SLC25A13: variants seen among roughly 807,000 people sequenced by gnomAD.
The protein encoded by SLC25A13 is electrogenic aspartate/glutamate antiporter SLC25A13, mitochondrial.
SLC25A13 carries 70 observed loss-of-function variants against 85.5 expected under a neutral mutation model. The observed-to-expected ratio is 0.82, with a 90% CI of 0.68 to 1.00. The LOEUF is 1.00. Ranked by LOEUF, SLC25A13 falls within the 50% of genes least tolerant of loss-of-function variation. SLC25A13 has a pLI of 0.00. For missense variants in SLC25A13, 765 were observed against 819.8 expected (o/e 0.93, Z 0.82); for synonymous variants, 259 against 288.7 (o/e 0.90, Z 1.04).
At chr7:96,280,651 G>T (rs531027521) in intron 2 of SLC25A13, among the ~76,000 whole-genome samples, 5 of 152,172 alleles carry the variant, frequency 3.3e-5, no homozygotes, top group Admixed American at 1.3e-4. Context: ...AAAGATTGAG[G>T]CTGCAGTGAG....
intron 1 of SLC25A13, among the ~76,000 whole-genome samples, chr7:96,321,433 G>C (rs1342843262): frequency 6.6e-6 from 1 of 152,228 alleles, no homozygotes; most frequent in Non-Finnish European, 1.5e-5. Context: ...CTCCTAGGCA[G>C]TTTCCAAAAC....
intron 2 of SLC25A13, among the ~76,000 whole-genome samples, chr7:96,285,806 A>C (rs1030066325): frequency 2.6e-5 from 4 of 152,152 alleles, no homozygotes; most frequent in African/African-American, 9.7e-5. Flanking sequence ...CTGGTGTTTT[A>C]TTTAAATGGC....
chr7:96,139,612 CT>C, intron 14 of SLC25A13, among the ~76,000 whole-genome samples: 1 of 152,232 alleles, frequency 6.6e-6, no homozygotes, highest in South Asian at 2.1e-4. Flanking sequence ...TATTTATTTA[CT>C]TATTTCAATT....
intron 1 of SLC25A13, among the ~76,000 whole-genome samples, chr7:96,310,521 T>G (rs1799911586): frequency 6.6e-6 from 1 of 152,214 alleles, no homozygotes; most frequent in South Asian, 2.1e-4. Context: ...ATTTCTCCAT[T>G]GTAAAGGTAC....
intron 3 of SLC25A13, among the ~76,000 whole-genome samples, chr7:96,237,505 C>CT (rs934013982): frequency 6.6e-5 from 10 of 152,142 alleles, no homozygotes; most frequent in Non-Finnish European, 4.4e-5. Context: ...AGAATCTTGA[C>CT]TTTTTTTTCA....
At chr7:96,270,495 C>A (rs988078622) in intron 3 of SLC25A13, among the ~76,000 whole-genome samples, 1 of 150,480 alleles carries the variant, frequency 6.6e-6, no homozygotes, top group African/African-American at 2.5e-5. Context: ...GCAGAGGTTG[C>A]AATGATCTGA....
In SLC25A13 at chr7:96,296,946, A is replaced by G. The variant is rs1336480972; in HGVS notation, c.21T>C (p.Ala7=). The change falls in exon 2 of 18, where the codon GCT becomes GCC. Residue 7 remains alanine, a synonymous_variant. Transcript: ENST00000265631. MAAAKV[A]LTKRADPAEL... Reference sequence around the variant, plus strand: ...CAGCTGGATCTGCTCTCTTGGTTAAAGCCACCTATAAATAAACATAAAAAT... The same window carrying G: ...CAGCTGGATCTGCTCTCTTGGTTAAGGCCACCTATAAATAAACATAAAAAT... The G allele has an allele frequency of 6.2e-6, 10 of 1,613,072 alleles. No homozygotes were observed. Among genetic ancestry groups the G allele is most frequent in the Non-Finnish European group, 8.5e-6 (10 of 1,179,120 alleles).
chr7:96,228,248 G>C, intron 4 of SLC25A13, among the ~76,000 whole-genome samples: 1 of 152,186 alleles, frequency 6.6e-6, no homozygotes, highest in South Asian at 2.1e-4. Flanking sequence ...AGAAACTTAT[G>C]TTCCTCAAGA....
At chr7:96,234,768 C>T in intron 4 of SLC25A13, 34 bp downstream of exon 4, 1 of 1,512,996 alleles carries the variant, frequency 6.6e-7, no homozygotes, top group Non-Finnish European at 9.2e-7. Flanking sequence ...CAAGTCCACA[C>T]TTACACAGAC....
At chr7:96,263,499 T>G (rs1263944874) in intron 3 of SLC25A13, among the ~76,000 whole-genome samples, 1 of 151,986 alleles carries the variant, frequency 6.6e-6, no homozygotes, top group African/African-American at 2.4e-5. Context: ...AGTCCTAGGT[T>G]GCACCAGGCC....
At chr7:96,209,353 T>TACATACACAC (rs1554354163) in intron 4 of SLC25A13, among the ~76,000 whole-genome samples, 1 of 145,444 alleles carries the variant, frequency 6.9e-6, no homozygotes, top group African/African-American at 2.6e-5. Context: ...GGAAAACACA[T>TACATACACAC]ACACACACAC....
intron 3 of SLC25A13, among the ~76,000 whole-genome samples, chr7:96,239,450 G>T (rs1476449415): frequency 2.0e-5 from 3 of 151,824 alleles, no homozygotes; most frequent in African/African-American, 7.3e-5. Context: ...ATTAACGTAA[G>T]TTACAACAAA....
At chr7:96,176,333 G>A (rs1183768626) in intron 11 of SLC25A13, among the ~76,000 whole-genome samples, 1 of 152,194 alleles carries the variant, frequency 6.6e-6, no homozygotes, top group Admixed American at 6.5e-5. Context: ...ACAGAGAATG[G>A]ATGTGTGTGT....
At chr7:96,221,729 A>G (rs1796137838) in intron 4 of SLC25A13, among the ~76,000 whole-genome samples, 1 of 152,140 alleles carries the variant, frequency 6.6e-6, no homozygotes, top group South Asian at 2.1e-4. Flanking sequence ...AACTCCCATC[A>G]TTTTCTGCAA....
chr7:96,184,553 A>G, intron 10 of SLC25A13, 118 bp from the exon 11 acceptor site: 2 of 990,544 alleles, frequency 2.0e-6, no homozygotes, highest in South Asian at 1.4e-5. Context: ...TTTTAAATAC[A>G]GATTTTAAAA....
intron 15 of SLC25A13, 111 bp downstream of exon 15, chr7:96,131,632 C>T: frequency 1.4e-6 from 2 of 1,406,920 alleles, no homozygotes; most frequent in Admixed American, 1.7e-5. Context: ...CAAACTCACA[C>T]ATACCCTGTC....
intron 4 of SLC25A13, among the ~76,000 whole-genome samples, chr7:96,210,552 G>A (rs1358315540): frequency 6.6e-6 from 1 of 152,098 alleles, no homozygotes; most frequent in Non-Finnish European, 1.5e-5. Flanking sequence ...GCCAAGTATT[G>A]TTCTAATGGC....
intron 2 of SLC25A13, among the ~76,000 whole-genome samples, chr7:96,294,266 A>C (rs1584582658): frequency 4.5e-5 from 6 of 134,672 alleles, no homozygotes; most frequent in Admixed American, 1.6e-4. Flanking sequence ...AACATCACAC[A>C]CTGGGGCCTG....
At chr7:96,193,335 T>A in intron 5 of SLC25A13, 152 bp from the exon 6 acceptor site, 1 of 922,268 alleles carries the variant, frequency 1.1e-6, no homozygotes, top group Non-Finnish European at 1.6e-6. Flanking sequence ...CAAGCTACTG[T>A]CTCCTTCCAA....
Sources: gnomAD v4.1 joint callset for allele counts (sites outside exome capture counted in the v4.1 genomes callset) on GRCh38, gnomAD v4.1.1 for gene constraint, MANE v1.5 for transcripts, NCBI Gene and HGNC (gene_info 2026-07-23, HGNC 2026-07-21) for gene names.